The following OOEP variants were observed in gnomAD, a reference collection of about 807,000 sequenced individuals.
OOEP encodes the protein oocyte-expressed protein homolog.
OOEP carries 16 observed loss-of-function variants against 13.7 expected under a neutral mutation model. The observed-to-expected ratio is 1.16, with a 90% CI of 0.79 to 1.77. The LOEUF (loss-of-function observed/expected upper bound fraction) is 1.77, where lower values mean the gene tolerates loss of function less well. OOEP is among the 40% of genes most tolerant of loss of function. OOEP has a pLI of 0.00. For missense variants in OOEP, 195 were observed against 193.1 expected (o/e 1.01, Z -0.06); for synonymous variants, 89 against 77.1 (o/e 1.15, Z -0.81).
At chr6:73,374,727 G>A (rs976794761), upstream of OOEP, among the ~76,000 whole-genome samples, 1 of 151,624 alleles carries the variant, frequency 6.6e-6, no homozygotes, top group Non-Finnish European at 1.5e-5. Flanking sequence ...CTAGCCTGGA[G>A]TTTTTACTGG....
intron 2 of OOEP, among the ~76,000 whole-genome samples, chr6:73,376,264 G>A (rs886435382): frequency 6.2e-5 from 9 of 145,670 alleles, no homozygotes; most frequent in Admixed American, 2.8e-4. Flanking sequence ...TTCTTTTTTC[G>A]TTTGTTTTTC....
upstream of OOEP, among the ~76,000 whole-genome samples, chr6:73,373,730 C>T (rs1039666232): frequency 2.6e-5 from 4 of 151,890 alleles, no homozygotes; most frequent in African/African-American, 9.7e-5. Context: ...GCTGGGATTA[C>T]AGGCATGCAC....
intron 2 of OOEP, among the ~76,000 whole-genome samples, chr6:73,378,721 G>A (rs1174359772): frequency 1.3e-5 from 2 of 151,704 alleles, no homozygotes; most frequent in Admixed American, 6.6e-5. Flanking sequence ...AAAATTAGCC[G>A]AGCGTGGTGA....
rs768420348 is a variant in OOEP, at chr6:73,369,861, A to T, written c.-69T>A. ...AAGACCTCTTCCAGACCCAGGCGCGAAGCTCGGGCTCTCTTTTACCATATT... is the reference window on the plus strand; with the variant it reads ...AAGACCTCTTCCAGACCCAGGCGCGTAGCTCGGGCTCTCTTTTACCATATT... On this transcript the variant is annotated 5_prime_UTR_variant, in exon 1 of 3. Coordinates refer to ENST00000370359, the MANE Select transcript of OOEP (RefSeq NM_001080507.3). 4.2e-6 allele frequency: 6 copies of T among 1,425,618 alleles called. No individual in the cohort carries two copies. Among genetic ancestry groups the T allele is most frequent in the Non-Finnish European group, 5.8e-6 (6 of 1,033,154 alleles). 88.3% of individuals were successfully genotyped at this position (1,425,618 alleles called of 1,614,324 possible).
intron 2 of OOEP, among the ~76,000 whole-genome samples, chr6:73,393,338 G>T (rs1040568445): frequency 2.0e-5 from 3 of 151,986 alleles, no homozygotes; most frequent in African/African-American, 7.2e-5. Flanking sequence ...GAGATCCTCC[G>T]CCTAGGCCTC....
chr6:73,394,514 T>G (rs1228380682), intron 1 of OOEP: 4 of 598,052 alleles, frequency 6.7e-6, no homozygotes, highest in Non-Finnish European at 1.2e-5. Flanking sequence ...AAAAAAAGTT[T>G]CCAAGGCACT....
At chr6:73,384,616 C>T (rs1769245620) in intron 2 of OOEP, among the ~76,000 whole-genome samples, 1 of 152,138 alleles carries the variant, frequency 6.6e-6, no homozygotes, top group Non-Finnish European at 1.5e-5. Context: ...GGGAGGATCA[C>T]TTGAACCCAG....
At chr6:73,377,950 A>C (rs1769156330) in intron 2 of OOEP, among the ~76,000 whole-genome samples, 1 of 152,140 alleles carries the variant, frequency 6.6e-6, no homozygotes, top group Admixed American at 6.6e-5. Context: ...TGCTAGGATT[A>C]TGGGTGTGAG....
intron 2 of OOEP, among the ~76,000 whole-genome samples, chr6:73,377,432 A>AAG (rs5877362): frequency 0.93 from 142,152 of 152,122 alleles, 67,184 homozygotes; most frequent in East Asian, 1. Context: ...TCATGCATGC[A>AAG]AGTCACCACA....
chr6:73,385,466 A>T (rs1169894075), intron 2 of OOEP, among the ~76,000 whole-genome samples: 2 of 152,214 alleles, frequency 1.3e-5, no homozygotes, highest in African/African-American at 4.8e-5. Flanking sequence ...GTCAATTAAT[A>T]TGCCATATTA....
At chr6:73,369,947 G>T (rs1411531843), upstream of OOEP, 7 of 637,254 alleles carry the variant, frequency 1.1e-5, no homozygotes, top group Non-Finnish European at 1.9e-5. Flanking sequence ...GGGTGCAAGC[G>T]ACGCCCCGGC....
chr6:73,385,590 GCTCT>G (rs1399054687), intron 2 of OOEP, among the ~76,000 whole-genome samples: 5 of 150,492 alleles, frequency 3.3e-5, no homozygotes, highest in Non-Finnish European at 7.4e-5. Flanking sequence ...CTAAATAAAA[GCTCT>G]CTTTTTTTTT....
At chr6:73,374,052 G>A (rs947446919), upstream of OOEP, among the ~76,000 whole-genome samples, 2 of 152,032 alleles carry the variant, frequency 1.3e-5, no homozygotes, top group Non-Finnish European at 1.5e-5. Context: ...TTAGCTGGTT[G>A]TGGTGACATG....
At chr6:73,387,001 A>G (rs1769282560) in intron 2 of OOEP, among the ~76,000 whole-genome samples, 1 of 149,298 alleles carries the variant, frequency 6.7e-6, no homozygotes, top group Admixed American at 6.8e-5. Context: ...AAAAAAAAAA[A>G]AAGAACAGCA....
At chr6:73,392,789 G>A (rs1015970707) in intron 2 of OOEP, among the ~76,000 whole-genome samples, 6 of 150,674 alleles carry the variant, frequency 4.0e-5, no homozygotes, top group South Asian at 2.1e-4. Context: ...ACACCACCAC[G>A]CCCAGCTAAT....
intron 2 of OOEP, among the ~76,000 whole-genome samples, chr6:73,374,901 C>T (rs1769114295): frequency 1.3e-5 from 2 of 152,222 alleles, no homozygotes; most frequent in African/African-American, 4.8e-5. Context: ...TCTTGGCCCA[C>T]TGCAACCTCC....
chr6:73,390,795 T>A (rs1032736257), intron 2 of OOEP, among the ~76,000 whole-genome samples: 40 of 150,712 alleles, frequency 2.7e-4, no homozygotes, highest in African/African-American at 9.3e-4. Flanking sequence ...GAGAGGGGGG[T>A]ATCGCCATGT....
At chr6:73,372,960 A>G, upstream of OOEP, 1 of 650,908 alleles carries the variant, frequency 1.5e-6, no homozygotes, top group Non-Finnish European at 2.7e-6. Context: ...TTTATTACTG[A>G]ATCCAGCCAA....
intron 2 of OOEP, among the ~76,000 whole-genome samples, chr6:73,385,344 TCAAA>T (rs2150782533): frequency 6.6e-6 from 1 of 151,084 alleles, no homozygotes; most frequent in African/African-American, 2.4e-5. Context: ...AGACTCCATC[TCAAA>T]CAACAACAAC....
Sources: allele counts gnomAD v4.1 joint callset (sites outside exome capture counted in the v4.1 genomes callset), GRCh38; gene constraint gnomAD v4.1.1; transcripts MANE v1.5; gene names NCBI Gene and HGNC (gene_info 2026-07-23, HGNC 2026-07-21).